The following MTMR3 variants were observed in gnomAD, a reference collection of about 807,000 sequenced individuals.
MTMR3 encodes myotubularin related protein 3.
A neutral mutation model predicts 132.4 loss-of-function variants in MTMR3; 32 were observed. The ratio of observed to expected loss-of-function variants is 0.24; its 90% CI spans 0.18 to 0.32. The LOEUF is 0.32. Ranked by LOEUF, MTMR3 falls within the 10% of genes least tolerant of loss-of-function variation. MTMR3 has a pLI of 1.00. For synonymous variants in MTMR3, 556 were observed against 550.3 expected, an observed-to-expected ratio of 1.01 and a Z score of -0.14; for missense variants, 1,216 against 1,489.6, an observed-to-expected ratio of 0.82 and a Z score of 3.02.
intron 1 of MTMR3, among the ~76,000 whole-genome samples, chr22:29,897,962 T>A (rs780831041): frequency 1.3e-5 from 2 of 152,202 alleles, no homozygotes; most frequent in African/African-American, 2.4e-5. Flanking sequence ...AAATGACATG[T>A]TGATATATGT....
At chr22:29,958,103 A>AT (rs60355745) in intron 2 of MTMR3, among the ~76,000 whole-genome samples, 44,301 of 152,014 alleles carry the variant, frequency 0.29, 7,633 homozygotes, top group East Asian at 0.61. Flanking sequence ...TGTAGTGCAA[A>AT]TATGAATTTT....
intron 8 of MTMR3, chr22:30,002,231 G>C (rs1269304405): frequency 1.3e-5 from 2 of 151,966 alleles, no homozygotes; most frequent in East Asian, 3.8e-4. Flanking sequence ...TGGAAATTAT[G>C]GTTAATAGCT....
intron 19 of MTMR3, 113 bp from the exon 20 acceptor site, chr22:30,025,517 A>G: frequency 2.7e-6 from 3 of 1,117,142 alleles, no homozygotes; most frequent in South Asian, 1.4e-5. Context: ...TTTGATCTCA[A>G]GGAGCTCCAG....
intron 12 of MTMR3, chr22:30,011,784 G>A (rs2067433738): frequency 6.6e-6 from 1 of 152,390 alleles, no homozygotes. Context: ...TATCAGATTG[G>A]GCTCATCTTG....
At position 30,012,389 on chromosome 22, in the gene MTMR3, C is replaced by T. The variant is rs1482633577; in HGVS notation, c.1143C>T (p.Ser381=). The change falls in exon 13 of 20, where the codon AGC becomes AGT. Residue 381 remains serine (S), a synonymous_variant. Transcript: ENST00000401950. ...ATAGTTGGCTATCAGCTCTTGAAAG[C>T]ACAAAATGGCTCCATCACTTGTCTG... The part of the protein sequence containing the change: ...DPGNWLSALE[S]TKWLHHLSVL... 2.5e-6 allele frequency: 4 copies of T among 1,613,588 alleles called. No homozygotes were observed. Among genetic ancestry groups the T allele is most frequent in the Non-Finnish European group, 3.4e-6 (4 of 1,179,844 alleles).
intron 7 of MTMR3, chr22:29,995,015 A>G (rs950032273): frequency 6.6e-6 from 1 of 152,246 alleles, no homozygotes; most frequent in Non-Finnish European, 1.5e-5. Context: ...CTTGTTGGTG[A>G]TGGCTCTGTA....
chr22:29,969,147 C>T (rs2145868440), intron 2 of MTMR3, among the ~76,000 whole-genome samples: 1 of 152,342 alleles, frequency 6.6e-6, no homozygotes, highest in Non-Finnish European at 1.5e-5. Flanking sequence ...GATAGGTTTT[C>T]AAACATAATG....
intron 1 of MTMR3, among the ~76,000 whole-genome samples, chr22:29,888,592 ATAT>A (rs2064725490): frequency 6.6e-6 from 1 of 152,156 alleles, no homozygotes; most frequent in Non-Finnish European, 1.5e-5. Context: ...TGCTGTAATA[ATAT>A]TCTTAAGTAC....
At chr22:29,943,526 CTT>C (rs2065897710) in intron 1 of MTMR3, among the ~76,000 whole-genome samples, 1 of 151,962 alleles carries the variant, frequency 6.6e-6, no homozygotes. Context: ...GTTTGCCACT[CTT>C]TTAGTATATA....
chr22:29,922,221 G>T (rs111801151), intron 1 of MTMR3, among the ~76,000 whole-genome samples: 4,130 of 152,112 alleles, frequency 0.027, 191 homozygotes, highest in African/African-American at 0.096. Context: ...GTTTTGCCAT[G>T]TTGGCCAGGC....
At chr22:29,921,588 C>A (rs2065414597) in intron 1 of MTMR3, among the ~76,000 whole-genome samples, 1 of 152,112 alleles carries the variant, frequency 6.6e-6, no homozygotes, top group South Asian at 2.1e-4. Context: ...TAAATACTTT[C>A]ATATTTGTTG....
chr22:29,949,201 ACG>A (rs1266787019), intron 1 of MTMR3, among the ~76,000 whole-genome samples: 1 of 124,188 alleles, frequency 8.1e-6, no homozygotes, highest in Non-Finnish European at 1.6e-5. Flanking sequence ...GTGCGCGTGC[ACG>A]CGCGCCAGGC....
At chr22:29,904,142 T>C (rs949362885) in intron 1 of MTMR3, among the ~76,000 whole-genome samples, 6 of 152,206 alleles carry the variant, frequency 3.9e-5, no homozygotes, top group East Asian at 3.9e-4. Context: ...AATTCCAGGA[T>C]AGGGTTGCCA....
intron 7 of MTMR3, chr22:29,997,451 A>G (rs982596472): frequency 1.3e-5 from 2 of 152,226 alleles, no homozygotes; most frequent in African/African-American, 4.8e-5. Flanking sequence ...GTACCACTAT[A>G]TATTAGAGGT....
intron 2 of MTMR3, among the ~76,000 whole-genome samples, chr22:29,970,497 C>CT (rs11326857): frequency 0.027 from 1,570 of 57,776 alleles, 223 homozygotes; most frequent in African/African-American, 0.043. Flanking sequence ...CCATGACCAG[C>CT]TTTTTTTTTT....
At chr22:29,907,524 G>GA (rs1156700416) in intron 1 of MTMR3, among the ~76,000 whole-genome samples, 3 of 152,076 alleles carry the variant, frequency 2.0e-5, no homozygotes, top group African/African-American at 7.3e-5. Flanking sequence ...GAGAATCCTT[G>GA]AGTATCTCAA....
intron 2 of MTMR3, among the ~76,000 whole-genome samples, chr22:29,957,401 A>G (rs948289517): frequency 6.7e-6 from 1 of 150,272 alleles, no homozygotes; most frequent in Non-Finnish European, 1.5e-5. Flanking sequence ...AAATAGATTT[A>G]TCAATCTCCA....
chr22:29,946,388 C>G (rs2065954403), intron 1 of MTMR3, among the ~76,000 whole-genome samples: 1 of 152,060 alleles, frequency 6.6e-6, no homozygotes, highest in Non-Finnish European at 1.5e-5. Context: ...CAATAGCAGT[C>G]AGGGTTGAGG....
At chr22:29,990,408 G>A (rs1269067912) in intron 6 of MTMR3, 1 of 152,156 alleles carries the variant, frequency 6.6e-6, no homozygotes, top group Non-Finnish European at 1.5e-5. Context: ...AGAGGTTTAA[G>A]TGACCCCTTG....
Sources: allele counts gnomAD v4.1 joint callset (sites outside exome capture counted in the v4.1 genomes callset), GRCh38; gene constraint gnomAD v4.1.1; transcripts MANE v1.5; gene names NCBI Gene and HGNC (gene_info 2026-07-23, HGNC 2026-07-21).